The following FAT3 variants were observed in gnomAD, a reference collection of about 807,000 sequenced individuals.
FAT3 encodes FAT atypical cadherin 3, also known as protocadherin Fat 3.
In FAT3, 95 loss-of-function variants were observed where a neutral mutation model predicts 310.2. That is an observed-to-expected ratio of 0.31 (90% CI 0.26 to 0.36). The LOEUF is 0.36. Among genes scored for constraint, FAT3 ranks in the 10% least tolerant of loss-of-function variants. The pLI, the probability that FAT3 is intolerant of heterozygous loss-of-function variation, is 1.00. For missense variants in FAT3, 5,408 were observed against 5,715.6 expected (o/e 0.95, Z 1.74); for synonymous variants, 2,314 against 2,192.9 (o/e 1.06, Z -1.54).
chr11:92,242,550 G>T (rs1259981189), intron 1 of FAT3, among the ~76,000 whole-genome samples: 8 of 151,928 alleles, frequency 5.3e-5, no homozygotes, highest in Admixed American at 5.3e-4. Context: ...AGCTTGCTGG[G>T]TGCTAGGAGG....
Position 92,354,531 on chromosome 11 carries a change from G to A in FAT3, c.2419G>A (p.Gly807Ser), listed in dbSNP as rs759515675. 1.9e-6 allele frequency: 3 copies of A among 1,613,678 alleles called. No individual in the cohort carries two copies. In the Admixed American group the frequency reaches 5.0e-5, roughly 27 times the overall value. ...YLLNITIYDL[G>S]NPQKSSWRLL... The stretch of plus-strand genomic sequence containing the variant: ...CCTTAATATCACCATCTATGACTTA[G>A]GTAATCCACAGAAATCGTCATGGAG... The change falls in exon 2 of 28, where the codon GGT (glycine) becomes AGT (serine). Residue 807 changes from glycine to serine, a missense_variant. Around this residue, in one of 5 missense-constraint regions of FAT3, gnomAD observed 4,588 missense variants for 4,809.8 expected, o/e 0.95. Transcript: ENST00000525166.
intron 3 of FAT3, among the ~76,000 whole-genome samples, chr11:92,558,342 C>T (rs1238662461): frequency 6.6e-6 from 1 of 151,814 alleles, no homozygotes; most frequent in Non-Finnish European, 1.5e-5. Context: ...TTCAAGTGGT[C>T]TCAGAAGCCA....
At chr11:92,805,469 G>A (rs1016467441) in intron 11 of FAT3, 120 bp downstream of exon 11, 8 of 1,001,798 alleles carry the variant, frequency 8.0e-6, no homozygotes, top group African/African-American at 1.6e-5. Flanking sequence ...TTGGGTGTGG[G>A]TATAAGAGGG....
At chr11:92,632,207 A>G (rs1054735339) in intron 3 of FAT3, among the ~76,000 whole-genome samples, 1 of 152,244 alleles carries the variant, frequency 6.6e-6, no homozygotes, top group Non-Finnish European at 1.5e-5. Context: ...TACTAAATAC[A>G]GCCATTCTAG....
In FAT3 at chr11:92,225,129, C is replaced by G. The variant is rs996872054; in HGVS notation, c.-63C>G. Among the ~76,000 whole-genome samples, 2 of 152,114 alleles carry G rather than the reference C, an allele frequency of 1.3e-5. No homozygotes were observed. The highest frequency in any genetic ancestry group is 4.8e-5 in the African/African-American group (2 of 41,446). On this transcript the variant is annotated 5_prime_UTR_variant, in exon 1 of 28. Coordinates refer to ENST00000525166, the MANE Select transcript of FAT3 (RefSeq NM_001367949.2). ...GCCGAGCACCGGGTGAAGAAGACCA[C>G]GGGGGAGGCGCCTCGTAGAGCCGTG...
At chr11:92,586,559 T>C (rs9667746) in intron 3 of FAT3, among the ~76,000 whole-genome samples, 4,264 of 152,112 alleles carry the variant, frequency 0.028, 220 homozygotes, top group African/African-American at 0.097. Context: ...TTTGAAAATA[T>C]GTTCTAATAA....
rs1454037175 is a variant in FAT3, at chr11:92,801,641, T to C, written c.8628T>C (p.Ser2876=). ...TTGACAGCAACACGGGCTGGATCAG[T>C]ACCTTGAAGGACCTAGATCACGAGA... The part of the protein sequence containing the change: ...FNIDSNTGWI[S]TLKDLDHETD... The change falls in exon 10 of 28, where the codon AGT becomes AGC. Residue 2876 remains serine (S), a synonymous_variant. Transcript: ENST00000525166. 2.5e-6 allele frequency: 4 copies of C among 1,613,696 alleles called. No homozygotes were observed. In the African/African-American group the frequency reaches 5.3e-5, roughly 22 times the overall value.
intron 2 of FAT3, among the ~76,000 whole-genome samples, chr11:92,499,731 G>GTGTGTA (rs747330881): frequency 0.012 from 1,480 of 126,418 alleles, 18 homozygotes; most frequent in Non-Finnish European, 0.019. Flanking sequence ...GTATGTGTGT[G>GTGTGTA]TGTGTGTGTG....
intron 3 of FAT3, among the ~76,000 whole-genome samples, chr11:92,603,942 C>T (rs1940154441): frequency 6.6e-6 from 1 of 152,172 alleles, no homozygotes; most frequent in African/African-American, 2.4e-5. Flanking sequence ...TCCCTTCATG[C>T]TCAGTCCAAA....
intron 7 of FAT3, among the ~76,000 whole-genome samples, chr11:92,789,316 A>G (rs1946977878): frequency 6.6e-6 from 1 of 152,218 alleles, no homozygotes; most frequent in Non-Finnish European, 1.5e-5. Context: ...AGTGTTCATT[A>G]CACTATTTTA....
intron 1 of FAT3, among the ~76,000 whole-genome samples, chr11:92,338,028 A>C (rs1948139503): frequency 6.6e-6 from 1 of 152,204 alleles, no homozygotes; most frequent in Admixed American, 6.5e-5. Flanking sequence ...CTATTCTAAA[A>C]GAAAATTCAG....
rs1196695394 is a variant in FAT3, at chr11:92,415,849, C to CTTTTTT, written c.3292+60464_3292+60469dup. On this transcript the variant is annotated intron_variant, in intron 2 of 27. Coordinates refer to ENST00000525166, the MANE Select transcript of FAT3 (RefSeq NM_001367949.2). ...CAATCTTTTAGCATAAGCATTTTTGCTTTTTTTTTTTTTTTTTTTTTTTTA... is the reference window on the plus strand; with the variant it reads ...CAATCTTTTAGCATAAGCATTTTTGCTTTTTTTTTTTTTTTTTTTTTTTTTTTTTTA... Among the ~76,000 whole-genome samples the CTTTTTT allele has an allele frequency of 5.8e-3, 410 of 70,394 alleles. 36 individuals carry two copies. The highest frequency in any genetic ancestry group is 0.02 in the African/African-American group (389 of 19,008). The allele number at this position is 70,394 out of a possible 152,430, so 46.2% of individuals were successfully genotyped here.
intron 2 of FAT3, among the ~76,000 whole-genome samples, chr11:92,480,082 G>A (rs375768401): frequency 3.3e-5 from 5 of 152,040 alleles, no homozygotes; most frequent in East Asian, 1.9e-4. Flanking sequence ...TGGCTAACAC[G>A]GTGAAACCCC....
intron 3 of FAT3, among the ~76,000 whole-genome samples, chr11:92,551,458 A>C (rs1358348764): frequency 4.3e-5 from 3 of 69,296 alleles, no homozygotes; most frequent in African/African-American, 1.4e-4. Flanking sequence ...TCTCATCAAT[A>C]AACTTTTCTT....
chr11:92,757,866 C>A (rs749277079), intron 4 of FAT3, among the ~76,000 whole-genome samples: 4 of 152,146 alleles, frequency 2.6e-5, no homozygotes, highest in Non-Finnish European at 5.9e-5. Context: ...TGAATGTCCA[C>A]AAAAGTGAGC....
chr11:92,678,808 T>A (rs575602401), intron 3 of FAT3, among the ~76,000 whole-genome samples: 3 of 152,352 alleles, frequency 2.0e-5, no homozygotes, highest in Admixed American at 1.3e-4. Context: ...TTAACTTTTT[T>A]AAATTTGCAC....
rs563792009 is a variant in FAT3, at chr11:92,805,164, C to T, written c.8908C>T (p.Arg2970Ter). ...VSYHITGGNP[R>*]GRFALGLVQS... ...TTTTTTAACTGCAGGAGGAAACCCTCGAGGAAGGTTTGCTCTGGGCCTGGT... is the reference window on the plus strand; with the variant it reads ...TTTTTTAACTGCAGGAGGAAACCCTTGAGGAAGGTTTGCTCTGGGCCTGGT... The change falls in exon 11 of 28, where the codon CGA becomes TGA. Residue 2970 changes from arginine (R) to a stop codon, truncating the protein, a stop_gained. Coordinates refer to ENST00000525166, the MANE Select transcript of FAT3 (RefSeq NM_001367949.2). LOFTEE classifies it high-confidence loss of function. The T allele has an allele frequency of 6.2e-7, 1 of 1,609,564 alleles. No individual in the cohort carries two copies. Among genetic ancestry groups the T allele is most frequent in the Admixed American group, 1.7e-5 (1 of 59,488 alleles).
chr11:92,736,020 T>C (rs1284763240), intron 4 of FAT3, among the ~76,000 whole-genome samples: 3 of 152,306 alleles, frequency 2.0e-5, no homozygotes, highest in South Asian at 2.1e-4. Context: ...AGCATTCTTA[T>C]GGCAAACCTG....
chr11:92,563,128 G>T (rs1205888042), intron 3 of FAT3, among the ~76,000 whole-genome samples: 1 of 152,164 alleles, frequency 6.6e-6, no homozygotes, highest in Non-Finnish European at 1.5e-5. Context: ...TTGTTACGTT[G>T]TACCCATGGA....
Sources: gnomAD v4.1 joint callset for allele counts (sites outside exome capture counted in the v4.1 genomes callset) on GRCh38, gnomAD v4.1.1 for gene constraint, gnomAD v4.1.1 regional missense constraint, MANE v1.5 for transcripts, NCBI Gene and HGNC (gene_info 2026-07-23, HGNC 2026-07-21) for gene names.